Variants in SF3A2 observed in about 807,000 individuals in gnomAD.
The protein encoded by SF3A2 is SAP 62.
Under a neutral mutation model 31.1 loss-of-function variants are expected in SF3A2, and 5 were observed. The ratio of observed to expected loss-of-function variants is 0.16; its 90% CI spans 0.08 to 0.34. The LOEUF (loss-of-function observed/expected upper bound fraction) is 0.34, where lower values mean the gene tolerates loss of function less well. Among genes scored for constraint, SF3A2 ranks in the 10% least tolerant of loss-of-function variants. The probability of loss-of-function intolerance (pLI) is 1.00; values close to 1 mark genes in which losing one functional copy is unlikely to be tolerated. For synonymous variants in SF3A2, 365 were observed against 263.7 expected, an observed-to-expected ratio of 1.38 and a Z score of -3.72; for missense variants, 577 against 643.9, an observed-to-expected ratio of 0.90 and a Z score of 1.13.
chr19:2,243,501 A>G lies in SF3A2; in HGVS notation c.83A>G (p.Glu28Gly). The G allele has an allele frequency of 1.3e-6, 2 of 1,547,552 alleles. No individual in the cohort carries two copies. The highest frequency in any genetic ancestry group is 1.7e-6 in the Non-Finnish European group (2 of 1,155,486). Residue 28 changes from glutamate (E) to glycine (G), a missense_variant, in exon 2 of 9, where the codon GAG (glutamate) becomes GGG (glycine). Transcript: ENST00000221494. ...SSSESNRDRR[E>G]RLRQLALETI... is the part of the protein sequence containing the mutation. ...TCCGAGAGCAACCGTGACCGCAGGG[A>G]GCGCCTCCGGCAGCTGGCCCTGGAG...
At chr19:2,247,338 T>C (rs1208819808) in intron 7 of SF3A2, 6 of 573,346 alleles carry the variant, frequency 1.0e-5, no homozygotes, top group Non-Finnish European at 1.9e-5. Flanking sequence ...TCCCCATGCC[T>C]GGACAGGGCG....
chr19:2,245,064 T>C lies in SF3A2; in HGVS notation c.245+285T>C. 1.9e-6 allele frequency: 1 copy of C among 538,574 alleles called. No individual in the cohort carries two copies. Among genetic ancestry groups the C allele is most frequent in the Non-Finnish European group, 3.3e-6 (1 of 301,196 alleles). The allele number at this position is 538,574 out of a possible 1,614,324, so 33.4% of individuals were successfully genotyped here. On this transcript the variant is annotated intron_variant, in intron 4 of 8. Transcript: ENST00000221494. The surrounding 1 kb of genome is among the most constrained non-coding windows in gnomAD (Gnocchi z 4.2). ...GGCCAGGCATGGTGGCACACGTCTG[T>C]AATCACAGCTACTATGGAGGCTGAG...
chr19:2,248,023 C>T lies in SF3A2; in HGVS notation c.872C>T (p.Ala291Val). 1.0e-6 allele frequency: 1 copy of T among 970,328 alleles called. No individual in the cohort carries two copies. Among genetic ancestry groups the T allele is most frequent in the Non-Finnish European group, 1.6e-6 (1 of 632,398 alleles). The allele number at this position is 970,328 out of a possible 1,614,324, so 60.1% of individuals were successfully genotyped here. The change falls in exon 9 of 9, where the codon GCC becomes GTC. Residue 291 changes from alanine to valine, a missense_variant. This residue lies in a region of SF3A2 where 462 missense variants were observed against 339.1 expected (regional missense o/e 1.36). Coordinates refer to ENST00000221494, the MANE Select transcript of SF3A2 (RefSeq NM_007165.5). ...CCAGCTCCAGGGGTCCACCCCCCGG[C>T]CCCAGTGGTGCATCCCCCTGCATCT... ...PPPAPGVHPP[A>V]PVVHPPASGV...
rs1030014497 is a variant in SF3A2, at chr19:2,245,647, C to T, written c.355+92C>T. On this transcript the variant is annotated intron_variant, in intron 5 of 8. Coordinates refer to ENST00000221494, the MANE Select transcript of SF3A2 (RefSeq NM_007165.5). This position sits in a 1 kb window ranked among gnomAD's most constrained non-coding sequence, Gnocchi z 4.2. ...AGTGCGGGAGGTGCAGCCCTGATAG[C>T]CTCCTCCCTGAGCCACTGTTTTCCG... is the stretch of plus-strand genomic sequence containing the variant. The T allele has an allele frequency of 2.4e-5, 22 of 922,424 alleles. No individual in the cohort carries two copies. Among genetic ancestry groups the T allele is most frequent in the Admixed American group, 6.1e-5 (3 of 49,268 alleles). The allele number at this position is 922,424 out of a possible 1,614,324, so 57.1% of individuals were successfully genotyped here. A position where few individuals can be genotyped will look rare whatever the true frequency, so the allele number is the denominator to read the frequency against.
chr19:2,247,502 G>T, intron 7 of SF3A2, 92 bp from the exon 8 acceptor site: 1 of 1,321,958 alleles, frequency 7.6e-7, no homozygotes, highest in Non-Finnish European at 1.1e-6. Context: ...GGTAGAGTCC[G>T]GGCTGGGGAG....
In SF3A2 at chr19:2,243,223, G is replaced by A. The variant is rs375612123; in HGVS notation, c.-37-159G>A. Among the ~76,000 whole-genome samples, 56 of 152,302 alleles carry A rather than the reference G, an allele frequency of 3.7e-4. No homozygotes were observed. The Middle Eastern group carries it at 0.014, about 37-fold the overall frequency. The stretch of plus-strand genomic sequence containing the variant: ...CTCAGCCTCCTGGAAGAGACTGGGT[G>A]CGCTATGGGGTGGCCCCCTCAGGGC... On this transcript the variant is annotated intron_variant, in intron 1 of 8. Transcript: ENST00000221494.
chr19:2,242,969 C>T (rs1459069009), intron 1 of SF3A2, among the ~76,000 whole-genome samples: 5 of 152,180 alleles, frequency 3.3e-5, no homozygotes, highest in African/African-American at 9.7e-5. Flanking sequence ...CAGAGGAAGG[C>T]GTGAACACTA....
chr19:2,243,473 T>A lies in SF3A2; in HGVS notation c.55T>A (p.Ser19Thr). ...GKTGSGGVAS[S>T]SESNRDRRER... ...GACCGGGAGCGGGGGCGTGGCCTCCTCCTCCGAGAGCAACCGTGACCGCAG... is the reference window on the plus strand; with the variant it reads ...GACCGGGAGCGGGGGCGTGGCCTCCACCTCCGAGAGCAACCGTGACCGCAG... The change falls in exon 2 of 9, where the codon TCC (serine) becomes ACC (threonine). Residue 19 changes from serine to threonine, a missense_variant. Physicochemically the swap from Ser to Thr is moderately conservative, Grantham distance 58. Around this residue, in one of 6 missense-constraint regions of SF3A2, gnomAD observed 40 missense variants for 50.0 expected, o/e 0.80. Transcript: ENST00000221494. 1 of 1,554,748 alleles carries A rather than the reference T, an allele frequency of 6.4e-7. No individual in the cohort carries two copies. The highest frequency in any genetic ancestry group is 8.6e-7 in the Non-Finnish European group (1 of 1,157,820).
rs769952338 is a variant in SF3A2, at chr19:2,244,811, G to T, written c.245+32G>T. 1.9e-6 allele frequency: 3 copies of T among 1,603,050 alleles called. No individual in the cohort carries two copies. In the African/African-American group the frequency reaches 4.0e-5, roughly 21 times the overall value. On this transcript the variant is annotated intron_variant, in intron 4 of 8. Transcript: ENST00000221494. The stretch of plus-strand genomic sequence containing the variant: ...ACCTCATGTCCCTTTGATGCCTGGT[G>T]CTCCAGCAGCCGTTGGCTCAAGTCT...
chr19:2,241,846 C>T (rs2024892371), intron 1 of SF3A2, among the ~76,000 whole-genome samples: 1 of 152,168 alleles, frequency 6.6e-6, no homozygotes, highest in Non-Finnish European at 1.5e-5. Flanking sequence ...TACGTGACAA[C>T]ATGTAAAAAT....
intron 2 of SF3A2, among the ~76,000 whole-genome samples, chr19:2,244,299 C>T (rs116569771): frequency 1.3e-3 from 201 of 152,268 alleles, no homozygotes; most frequent in African/African-American, 4.4e-3. Flanking sequence ...GTCGGGGGCT[C>T]CCTGGGAACC....
At position 2,246,716 on chromosome 19, in the gene SF3A2, A is replaced by C. The variant is rs1305065535; in HGVS notation, c.356-37A>C. 1.2e-6 allele frequency: 2 copies of C among 1,612,926 alleles called. No homozygotes were observed. The highest frequency in any genetic ancestry group is 3.3e-5 in the Admixed American group (2 of 59,928). ...CCCAGGTTCCTCAGCTTCGGAGAGG[A>C]CAAGCAGCCGGGACCTGAGAGCTTT... On this transcript the variant is annotated intron_variant, in intron 5 of 8. Transcript: ENST00000221494. This position sits in a 1 kb window ranked among gnomAD's most constrained non-coding sequence, Gnocchi z 5.5.
chr19:2,243,380 A>T lies in SF3A2; in HGVS notation c.-37-2A>T. 2 of 1,491,692 alleles carry T rather than the reference A, an allele frequency of 1.3e-6. No homozygotes were observed. Among genetic ancestry groups the T allele is most frequent in the Non-Finnish European group, 1.8e-6 (2 of 1,124,874 alleles). 92.4% of individuals were successfully genotyped at this position (1,491,692 alleles called of 1,614,324 possible). A position where few individuals can be genotyped will look rare whatever the true frequency, so the allele number is the denominator to read the frequency against. On this transcript the variant is annotated splice_acceptor_variant, in intron 1 of 8. Coordinates refer to ENST00000221494, the MANE Select transcript of SF3A2 (RefSeq NM_007165.5). LOFTEE classifies it low-confidence loss of function (5UTR_SPLICE). ...TCCTCACTCTCCTCTTGGCCTCCAC[A>T]GGTGTCTCCCAGTCTGCTAAAGCCC...
chr19:2,244,066 C>CT (rs2024911831), intron 2 of SF3A2, among the ~76,000 whole-genome samples: 1 of 152,214 alleles, frequency 6.6e-6, no homozygotes, highest in African/African-American at 2.4e-5. Flanking sequence ...ACTCCAGCGT[C>CT]TGAGACGAGA....
In SF3A2 at chr19:2,244,644, T is replaced by C. The variant is rs569729809; in HGVS notation, c.198+29T>C. On this transcript the variant is annotated intron_variant, in intron 3 of 8. Transcript: ENST00000221494. ...CGGCCTCTGCCTGGCTCCGGGCGGC[T>C]CGCGGCGGGCTGAGTGGCTGACGTC... 4.9e-5 allele frequency: 79 copies of C among 1,611,858 alleles called. No individual in the cohort carries two copies. In the African/African-American group the frequency reaches 1.0e-3, roughly 21 times the overall value.
Position 2,246,636 on chromosome 19 carries a change from G to T in SF3A2, c.356-117G>T. 1 of 1,167,750 alleles carries T rather than the reference G, an allele frequency of 8.6e-7. No homozygotes were observed. The allele number at this position is 1,167,750 out of a possible 1,614,324, so 72.3% of individuals were successfully genotyped here. A position where few individuals can be genotyped will look rare whatever the true frequency, so the allele number is the denominator to read the frequency against. On this transcript the variant is annotated intron_variant, in intron 5 of 8. Coordinates refer to ENST00000221494, the MANE Select transcript of SF3A2 (RefSeq NM_007165.5). This position sits in a 1 kb window ranked among gnomAD's most constrained non-coding sequence, Gnocchi z 5.5. The stretch of plus-strand genomic sequence containing the variant: ...CGGAGATTGTCTAATGGTTGCCAGA[G>T]CTGCAGGGCCTCCCCCGGGGTCCCG...
chr19:2,248,219 G>T lies in SF3A2; in HGVS notation c.1068G>T (p.Gly356=). ...CCGGAGTCCACCCACCAGCCCCTGGGGTTCACCCACCAGCCCCAGGGGTCC... is the reference window on the plus strand; with the variant it reads ...CCGGAGTCCACCCACCAGCCCCTGGTGTTCACCCACCAGCCCCAGGGGTCC... ...PAPGVHPPAP[G]VHPPAPGVHP... The change falls in exon 9 of 9, where the codon GGG becomes GGT. Residue 356 remains glycine, a synonymous_variant. Transcript: ENST00000221494. 2 of 1,435,698 alleles carry T rather than the reference G, an allele frequency of 1.4e-6. No homozygotes were observed. The highest frequency in any genetic ancestry group is 1.5e-5 in the African/African-American group (1 of 68,220). 88.9% of individuals were successfully genotyped at this position (1,435,698 alleles called of 1,614,324 possible).
intron 1 of SF3A2, among the ~76,000 whole-genome samples, chr19:2,241,422 G>A (rs1000550001): frequency 1.3e-5 from 2 of 152,188 alleles, no homozygotes; most frequent in Non-Finnish European, 2.9e-5. Context: ...GGCTCCCCAC[G>A]CACGTCCCCT....
rs771312728 is a variant in SF3A2 at position 2,243,559 on chromosome 19, G to A, written c.126+15G>A. 22 of 1,535,752 alleles carry A rather than the reference G, an allele frequency of 1.4e-5. No homozygotes were observed. The highest frequency in any genetic ancestry group is 8.6e-5 in the South Asian group (7 of 81,022). On this transcript the variant is annotated intron_variant, in intron 2 of 8. Transcript: ENST00000221494. ...ACATCAACAAGGTGGGCCAGCCACCGTGCAGCTGCCTGTGGTGGGTGCTGG... is the reference window on the plus strand; with the variant it reads ...ACATCAACAAGGTGGGCCAGCCACCATGCAGCTGCCTGTGGTGGGTGCTGG...
Sources: gnomAD v4.1 joint callset for allele counts (sites outside exome capture counted in the v4.1 genomes callset) on GRCh38, gnomAD v4.1.1 for gene constraint, gnomAD v4.1.1 regional missense constraint, Gnocchi (gnomAD v3.1) non-coding constraint, MANE v1.5 for transcripts, NCBI Gene and HGNC (gene_info 2026-07-23, HGNC 2026-07-21) for gene names.